LRRC59: variants seen among roughly 807,000 people sequenced by gnomAD.
The protein encoded by LRRC59 is leucine-rich repeat-containing protein 59.
Under a neutral mutation model 33.5 loss-of-function variants are expected in LRRC59, and 18 were observed. The observed-to-expected ratio is 0.54, with a 90% CI of 0.37 to 0.80. LRRC59 has a LOEUF of 0.80. LRRC59 is among the 30% of genes least tolerant of loss of function. LRRC59 has a pLI of 0.00. For missense variants in LRRC59, 330 were observed against 391.9 expected, an observed-to-expected ratio of 0.84 and a Z score of 1.33; for synonymous variants, 138 against 160.0, an observed-to-expected ratio of 0.86 and a Z score of 1.04.
In LRRC59 at chr17:50,392,461, A is replaced by G; in HGVS notation, c.366T>C (p.Pro122=). 6.2e-7 allele frequency: 1 copy of G among 1,614,188 alleles called. No homozygotes were observed. ...AGTCACCTGCCACCTTGGCCAGGAC[A>G]GGATCCAGGGGGTTATCCTTCAGGT... ...WLDLKDNPLD[P]VLAKVAGDCL... is the part of the protein sequence containing the mutation. Residue 122 remains proline (P), a synonymous_variant, in exon 4 of 7, where the codon CCT becomes CCC. Coordinates refer to ENST00000225972, the MANE Select transcript of LRRC59 (RefSeq NM_018509.4).
At chr17:50,388,531 C>T (rs943957948) in intron 4 of LRRC59, among the ~76,000 whole-genome samples, 26 of 151,720 alleles carry the variant, frequency 1.7e-4, no homozygotes, top group Non-Finnish European at 2.6e-4. Flanking sequence ...AAGACTGAGA[C>T]CCTATCTCAA....
At chr17:50,385,474 C>T (rs78514332) in intron 5 of LRRC59, among the ~76,000 whole-genome samples, 183 bp from the exon 6 acceptor site, 29,560 of 152,150 alleles carry the variant, frequency 0.19, 3,237 homozygotes, top group Middle Eastern at 0.3. Flanking sequence ...AAAGCAGCTG[C>T]TCTCAGGGTT....
rs1914235963 is a variant in LRRC59 at position 50,394,934 on chromosome 17, G to A, written c.160C>T (p.Leu54=). Residue 54 remains leucine (L), a synonymous_variant, in exon 2 of 7, where the codon CTA becomes TTA. Coordinates refer to ENST00000225972, the MANE Select transcript of LRRC59 (RefSeq NM_018509.4). ...CGGCTGCATGCCAATCTTACCGGTA[G>A]AGTAGTCAGTTTATTACAAGACAGA... The part of the protein sequence containing the change: ...LDLSCNKLTT[L]PSDFCGLTHL... The A allele has an allele frequency of 1.9e-6, 3 of 1,601,882 alleles. No individual in the cohort carries two copies. The highest frequency in any genetic ancestry group is 2.6e-6 in the Non-Finnish European group (3 of 1,171,182).
At chr17:50,391,217 C>T (rs564871131) in intron 4 of LRRC59, among the ~76,000 whole-genome samples, 70 of 152,330 alleles carry the variant, frequency 4.6e-4, no homozygotes, top group African/African-American at 1.7e-3. Context: ...AAGAGGATTT[C>T]ACTGATCACT....
Position 50,381,608 on chromosome 17 carries a change from T to A in LRRC59, c.*1380A>T, listed in dbSNP as rs1913850365. On this transcript the variant is annotated 3_prime_UTR_variant, in exon 7 of 7. Coordinates refer to ENST00000225972, the MANE Select transcript of LRRC59 (RefSeq NM_018509.4). Reference sequence around the variant, plus strand: ...AGTTGCAGTCCCATCCAAAAGGTCATTAGGGCTAAAAGGCCCTCTGTGTCT... The same window carrying A: ...AGTTGCAGTCCCATCCAAAAGGTCAATAGGGCTAAAAGGCCCTCTGTGTCT... The A allele has an allele frequency of 6.5e-6, 1 of 152,718 alleles. No homozygotes were observed. The highest frequency in any genetic ancestry group is 2.1e-4 in the South Asian group (1 of 4,832). The allele number at this position is 152,718 out of a possible 1,614,324, so 9.5% of individuals were successfully genotyped here. A position where few individuals can be genotyped will look rare whatever the true frequency, so the allele number is the denominator to read the frequency against.
chr17:50,397,267 G>A lies in LRRC59; in HGVS notation c.51C>T (p.Gly17=), dbSNP rs1914299671. The A allele has an allele frequency of 6.2e-7, 1 of 1,609,442 alleles. No individual in the cohort carries two copies. The highest frequency in any genetic ancestry group is 1.1e-5 in the South Asian group (1 of 90,314). Residue 17 remains glycine (G), a synonymous_variant, in exon 1 of 7, where the codon GGC becomes GGT. Transcript: ENST00000225972. ...KGGNLRDKLD[G]NELDLSLSDL... ...CGCTGAGGCTCAGGTCCAGTTCGTTGCCGTCCAGCTTGTCGCGGAGGTTCC... is the reference window on the plus strand; with the variant it reads ...CGCTGAGGCTCAGGTCCAGTTCGTTACCGTCCAGCTTGTCGCGGAGGTTCC...
chr17:50,384,286 A>C (rs553867768), intron 6 of LRRC59, among the ~76,000 whole-genome samples: 1 of 152,098 alleles, frequency 6.6e-6, no homozygotes, highest in African/African-American at 2.4e-5. Context: ...TCAGCCTCCC[A>C]AGTAGCTGGG....
intron 5 of LRRC59, among the ~76,000 whole-genome samples, chr17:50,387,363 C>A (rs963790747): frequency 6.6e-6 from 1 of 152,224 alleles, no homozygotes; most frequent in Non-Finnish European, 1.5e-5. Context: ...GTGTGTGCAA[C>A]AAGGCCGGTG....
In LRRC59 at chr17:50,392,865, C is replaced by T; in HGVS notation, c.198G>A (p.Lys66=). ...GCAGCTTGTTCTTACTCAGGTCTAG[C>T]TTCACCAGGTGTGTGAGGCCACAGA... ...SDFCGLTHLV[K]LDLSKNKLQQ... is the part of the protein sequence containing the mutation. The change falls in exon 3 of 7, where the codon AAG becomes AAA. Residue 66 remains lysine (K), a synonymous_variant. Transcript: ENST00000225972. The T allele has an allele frequency of 6.2e-7, 1 of 1,614,016 alleles. No homozygotes were observed. The highest frequency in any genetic ancestry group is 8.5e-7 in the Non-Finnish European group (1 of 1,179,898).
At chr17:50,395,669 C>T (rs553331258) in intron 1 of LRRC59, among the ~76,000 whole-genome samples, 1 of 152,284 alleles carries the variant, frequency 6.6e-6, no homozygotes, top group African/African-American at 2.4e-5. Flanking sequence ...AATCCCACCA[C>T]TTTGGGAGGC....
chr17:50,394,887 T>G, intron 2 of LRRC59, 42 bp downstream of exon 2: 2 of 1,319,592 alleles, frequency 1.5e-6, no homozygotes, highest in Non-Finnish European at 2.1e-6. Context: ...AGGAGATGCA[T>G]CCAAGGCACC....
chr17:50,388,383 T>C (rs1312816444), intron 4 of LRRC59, among the ~76,000 whole-genome samples: 1 of 151,560 alleles, frequency 6.6e-6, no homozygotes, highest in Non-Finnish European at 1.5e-5. Flanking sequence ...TACAGAAAAA[T>C]GTAAAAAATT....
In LRRC59 at chr17:50,382,178, G is replaced by C. The variant is rs1913872461; in HGVS notation, c.*810C>G. 6.6e-6 allele frequency: 1 copy of C among 152,484 alleles called. No homozygotes were observed. Among genetic ancestry groups the C allele is most frequent in the African/African-American group, 2.4e-5 (1 of 41,452 alleles). 9.4% of individuals were successfully genotyped at this position (152,484 alleles called of 1,614,324 possible). ...ACTCCACAGGAGCTGCCCGTGACCT[G>C]ATGATAGCAAGAGATTTCTATCTCT... On this transcript the variant is annotated 3_prime_UTR_variant, in exon 7 of 7. Coordinates refer to ENST00000225972, the MANE Select transcript of LRRC59 (RefSeq NM_018509.4).
chr17:50,388,015 G>A (rs1189736021), intron 5 of LRRC59, 45 bp downstream of exon 5: 1 of 1,586,212 alleles, frequency 6.3e-7, no homozygotes. Flanking sequence ...TCCACTGGCT[G>A]GGATGAGGAC....
At position 50,397,307 on chromosome 17, in the gene LRRC59, G is replaced by C; in HGVS notation, c.11C>G (p.Ala4Gly). The C allele has an allele frequency of 6.2e-7, 1 of 1,607,414 alleles. No homozygotes were observed. The highest frequency in any genetic ancestry group is 2.3e-5 in the East Asian group (1 of 43,832). MTK[A>G]GSKGGNLRDK... Reference sequence around the variant, plus strand: ...GCGGAGGTTCCCGCCCTTGCTACCGGCCTTGGTCATGGTAACGCCGGCTGA... The same window carrying C: ...GCGGAGGTTCCCGCCCTTGCTACCGCCCTTGGTCATGGTAACGCCGGCTGA... Residue 4 changes from alanine to glycine, a missense_variant, in exon 1 of 7, where the codon GCC becomes GGC. Coordinates refer to ENST00000225972, the MANE Select transcript of LRRC59 (RefSeq NM_018509.4).
chr17:50,387,908 T>A (rs1247186660), intron 5 of LRRC59, 152 bp downstream of exon 5: 2 of 740,324 alleles, frequency 2.7e-6, no homozygotes, highest in East Asian at 5.0e-5. Context: ...ATTCATCAGA[T>A]AAAGACGATA....
chr17:50,392,126 G>T (rs1037354357), intron 4 of LRRC59, among the ~76,000 whole-genome samples: 2 of 152,200 alleles, frequency 1.3e-5, no homozygotes, highest in Non-Finnish European at 2.9e-5. Context: ...CTTGAACCTG[G>T]GAGGCGGAGG....
chr17:50,397,487 T>TAGCTCCC lies in LRRC59; in HGVS notation c.-177_-171dup. ...CTGGCCGCACTCCGAGCCTCGCGCC[T>TAGCTCCC]AGCTCCCACCGGTGCCGCGACGACG... On this transcript the variant is annotated 5_prime_UTR_variant, in exon 1 of 7. Transcript: ENST00000225972. 2.0e-6 allele frequency: 1 copy of TAGCTCCC among 511,378 alleles called. No individual in the cohort carries two copies. Among genetic ancestry groups the TAGCTCCC allele is most frequent in the Non-Finnish European group, 3.5e-6 (1 of 289,148 alleles). The allele number at this position is 511,378 out of a possible 1,614,324, so 31.7% of individuals were successfully genotyped here.
At chr17:50,384,389 C>G (rs1913949665) in intron 6 of LRRC59, among the ~76,000 whole-genome samples, 2 of 152,090 alleles carry the variant, frequency 1.3e-5, no homozygotes, top group South Asian at 4.1e-4. Flanking sequence ...AACTCCTGGG[C>G]TCAAGTGATC....
Sources: gnomAD v4.1 joint callset for allele counts (sites outside exome capture counted in the v4.1 genomes callset) on GRCh38, gnomAD v4.1.1 for gene constraint, MANE v1.5 for transcripts, NCBI Gene and HGNC (gene_info 2026-07-23, HGNC 2026-07-21) for gene names.